The following PRKDC variants were observed in gnomAD, a reference collection of about 807,000 sequenced individuals.
PRKDC encodes DNA-dependent protein kinase catalytic subunit.
In PRKDC, 82 loss-of-function variants were observed where a neutral mutation model predicts 486.9. The observed-to-expected ratio is 0.17, with a 90% CI of 0.14 to 0.20. PRKDC has a LOEUF of 0.20. PRKDC is among the 10% of genes least tolerant of loss of function. The pLI, the probability that PRKDC is intolerant of heterozygous loss-of-function variation, is 1.00. For synonymous variants in PRKDC, 1,895 were observed against 1,837.0 expected (o/e 1.03, Z -0.81); for missense variants, 4,504 against 5,038.2 (o/e 0.89, Z 3.21).
At chr8:47,790,048 G>C (rs1217127766) in intron 74 of PRKDC, among the ~76,000 whole-genome samples, 1 of 152,134 alleles carries the variant, frequency 6.6e-6, no homozygotes, top group Admixed American at 6.6e-5. Context: ...ATACTACTGG[G>C]AGTCTTAGCT....
chr8:47,939,776 G>T, intron 10 of PRKDC, 79 bp from the exon 11 acceptor site: 2 of 1,196,528 alleles, frequency 1.7e-6, no homozygotes, highest in Non-Finnish European at 2.3e-6. Context: ...AACTAGAACT[G>T]TTTAGATGCT....
At chr8:47,877,046 T>C (rs545891454) in intron 40 of PRKDC, among the ~76,000 whole-genome samples, 3 of 152,366 alleles carry the variant, frequency 2.0e-5, no homozygotes, top group African/African-American at 7.2e-5. Context: ...ACTGTGCTTT[T>C]AGACATAACT....
At chr8:47,956,426 A>G (rs1454098897) in intron 3 of PRKDC, among the ~76,000 whole-genome samples, 1 of 151,268 alleles carries the variant, frequency 6.6e-6, no homozygotes, top group Admixed American at 6.6e-5. Context: ...TGAGGATTAC[A>G]GTGTGGTTCG....
intron 27 of PRKDC, among the ~76,000 whole-genome samples, chr8:47,900,870 T>G (rs936571304): frequency 1.3e-5 from 2 of 150,240 alleles, no homozygotes; most frequent in African/African-American, 4.9e-5. Flanking sequence ...AAATTGTTTT[T>G]TTGTTGTTGT....
At chr8:47,818,578 CAAAAA>C (rs1174698261) in intron 67 of PRKDC, among the ~76,000 whole-genome samples, 1 of 36,118 alleles carries the variant, frequency 2.8e-5, no homozygotes, top group Admixed American at 2.8e-4. Context: ...GACTCCGTCT[CAAAAA>C]AAAAAAAAAA....
chr8:47,805,937 C>G (rs985253929), intron 69 of PRKDC, among the ~76,000 whole-genome samples: 1 of 152,138 alleles, frequency 6.6e-6, no homozygotes, highest in African/African-American at 2.4e-5. Context: ...TTCCCCAGAG[C>G]TGTCAATCTC....
chr8:47,860,421 T>C (rs2154500616), intron 45 of PRKDC, among the ~76,000 whole-genome samples: 1 of 152,130 alleles, frequency 6.6e-6, no homozygotes, highest in Non-Finnish European at 1.5e-5. Flanking sequence ...TATGCTGGAG[T>C]GAGCAGTAAG....
intron 11 of PRKDC, among the ~76,000 whole-genome samples, chr8:47,939,047 G>A (rs920843210): frequency 3.9e-5 from 6 of 152,080 alleles, no homozygotes; most frequent in African/African-American, 1.4e-4. Context: ...TGTCAATTCT[G>A]AGTCTCTTGA....
chr8:47,928,466 A>C (rs563441651), intron 19 of PRKDC, among the ~76,000 whole-genome samples: 1 of 152,220 alleles, frequency 6.6e-6, no homozygotes, highest in South Asian at 2.1e-4. Context: ...GGACTTTTGA[A>C]GCACAATAAC....
intron 56 of PRKDC, among the ~76,000 whole-genome samples, chr8:47,837,678 T>C (rs746764959): frequency 1.2e-4 from 18 of 152,088 alleles, no homozygotes; most frequent in Non-Finnish European, 2.5e-4. Flanking sequence ...TTTATTCTCT[T>C]ATCTCTATTC....
At chr8:47,830,981 C>T (rs773790785) in intron 60 of PRKDC, among the ~76,000 whole-genome samples, 10 of 152,156 alleles carry the variant, frequency 6.6e-5, no homozygotes, top group Admixed American at 6.5e-5. Flanking sequence ...TTTATAAAAT[C>T]GGAAAATTTG....
At chr8:47,928,559 AT>A (rs1014437037) in intron 19 of PRKDC, among the ~76,000 whole-genome samples, 50 of 142,932 alleles carry the variant, frequency 3.5e-4, no homozygotes, top group Admixed American at 4.2e-4. Context: ...TTATTTATTT[AT>A]TTTTTTTTTT....
At chr8:47,882,268 T>C (rs1474252283) in intron 36 of PRKDC, among the ~76,000 whole-genome samples, 171 bp from the exon 37 acceptor site, 4 of 152,226 alleles carry the variant, frequency 2.6e-5, no homozygotes, top group African/African-American at 7.2e-5. Context: ...ACTTTAACCA[T>C]AGTTTTTCCA....
Position 47,837,291 on chromosome 8 carries a change from A to G in PRKDC, c.7682T>C (p.Phe2561Ser). 6.2e-7 allele frequency: 1 copy of G among 1,613,948 alleles called. No individual in the cohort carries two copies. Among genetic ancestry groups the G allele is most frequent in the Non-Finnish European group, 8.5e-7 (1 of 1,179,854 alleles). ...GCTCATGCTGGTCATTTCGAGCAGA[A>G]AATTTGTTGCTAAACTTAAAAAGTG... ...EVHFLSLATN[F>S]LLEMTSMSPD... The change falls in exon 57 of 86, where the codon TTT (phenylalanine) becomes TCT (serine). Residue 2561 changes from phenylalanine (F) to serine (S), a missense_variant. Coordinates refer to ENST00000314191, the MANE Select transcript of PRKDC (RefSeq NM_006904.7).
At chr8:47,895,095 T>G (rs1563790714) in intron 30 of PRKDC, among the ~76,000 whole-genome samples, 1 of 151,978 alleles carries the variant, frequency 6.6e-6, no homozygotes, top group Non-Finnish European at 1.5e-5. Flanking sequence ...AAACAGGTGC[T>G]GCACACCTGC....
chr8:47,857,008 A>G, intron 49 of PRKDC, 148 bp downstream of exon 49: 3 of 809,652 alleles, frequency 3.7e-6, no homozygotes, highest in Non-Finnish European at 5.1e-6. Flanking sequence ...GGCTGAGGCC[A>G]TTTGGTTTAG....
chr8:47,943,065 C>G (rs1011984896), intron 10 of PRKDC, 144 bp downstream of exon 10: 1 of 1,069,432 alleles, frequency 9.4e-7, no homozygotes, highest in Non-Finnish European at 1.3e-6. Context: ...TCCCATATGG[C>G]TGGCTGATCA....
At chr8:47,851,886 C>T (rs778640695) in intron 52 of PRKDC, among the ~76,000 whole-genome samples, 4 of 152,166 alleles carry the variant, frequency 2.6e-5, no homozygotes, top group Non-Finnish European at 5.9e-5. Flanking sequence ...CACAGAGCAC[C>T]TTATCCCAGT....
rs1228409151 is a variant in PRKDC at position 47,939,529 on chromosome 8, AGAGT to A, written c.1113+18_1113+21del. The A allele has an allele frequency of 2.5e-6, 4 of 1,599,754 alleles. No homozygotes were observed. The highest frequency in any genetic ancestry group is 1.3e-5 in the African/African-American group (1 of 74,284). On this transcript the variant is annotated intron_variant, in intron 11 of 85. Coordinates refer to ENST00000314191, the MANE Select transcript of PRKDC (RefSeq NM_006904.7). Reference sequence around the variant, plus strand: ...CAATCACGTGAAACCAAGACAAAATAGAGTAAGTTAATGAGACATACTCCTGCAA... The same window carrying A: ...CAATCACGTGAAACCAAGACAAAATAAAGTTAATGAGACATACTCCTGCAA...
Sources: allele counts gnomAD v4.1 joint callset (sites outside exome capture counted in the v4.1 genomes callset), GRCh38; gene constraint gnomAD v4.1.1; transcripts MANE v1.5; gene names NCBI Gene and HGNC (gene_info 2026-07-23, HGNC 2026-07-21).